MYH9: variants seen among roughly 807,000 people sequenced by gnomAD.
MYH9 encodes the protein myosin-9.
A neutral mutation model predicts 241.9 loss-of-function variants in MYH9; 29 were observed. That is an observed-to-expected ratio of 0.12 (90% CI 0.09 to 0.16). The LOEUF (loss-of-function observed/expected upper bound fraction) is 0.16, where lower values mean the gene tolerates loss of function less well. Among genes scored for constraint, MYH9 ranks in the 10% least tolerant of loss-of-function variants. The pLI, the probability that MYH9 is intolerant of heterozygous loss-of-function variation, is 1.00. For synonymous variants in MYH9, 1,047 were observed against 1,062.6 expected (o/e 0.99, Z 0.29); for missense variants, 1,803 against 2,595.5 (o/e 0.69, Z 6.63).
At chr22:36,302,525 C>T (rs2016895799) in intron 20 of MYH9, 43 bp downstream of exon 20, 4 of 1,481,758 alleles carry the variant, frequency 2.7e-6, no homozygotes, top group Admixed American at 3.3e-5. Flanking sequence ...TGGTGGTGTG[C>T]ACCCGTAGTC....
At chr22:36,362,040 G>C (rs982250859) in intron 1 of MYH9, among the ~76,000 whole-genome samples, 1 of 152,208 alleles carries the variant, frequency 6.6e-6, no homozygotes, top group African/African-American at 2.4e-5. Context: ...CTGTACTCCA[G>C]CCTGGGGGAC....
chr22:36,293,372 G>C lies in MYH9; in HGVS notation c.4052C>G (p.Ala1351Gly), dbSNP rs766437086. The C allele has an allele frequency of 1.2e-6, 2 of 1,613,828 alleles. No individual in the cohort carries two copies. Among genetic ancestry groups the C allele is most frequent in the Admixed American group, 3.3e-5 (2 of 60,004 alleles). The change falls in exon 30 of 41, where the codon GCC (alanine) becomes GGC (glycine). Residue 1351 changes from alanine to glycine, a missense_variant. Around this residue, in one of 11 missense-constraint regions of MYH9, gnomAD observed 876 missense variants for 1,077.8 expected, o/e 0.81. Transcript: ENST00000216181. This position sits in a 1 kb window ranked among gnomAD's most constrained non-coding sequence, Gnocchi z 5.1. ...GATCTGCTTCTCCAGGTTGTGCTTG[G>C]CCTCCTCCTCCTCCTCCAGCTGCTC... ...FREQLEEEEE[A>G]KHNLEKQIAT... is the part of the protein sequence containing the mutation.
rs753280815 is a variant in MYH9 at position 36,288,273 on chromosome 22, G to T, written c.4911C>A (p.Ile1637=). ...DSANKNRDEA[I]KQLRKLQAQM... Reference sequence around the variant, plus strand: ...TTACCTGCAGCTTCCGCAGCTGTTTGATGGCTTCGTCCCGGTTCTTGTTGG... The same window carrying T: ...TTACCTGCAGCTTCCGCAGCTGTTTTATGGCTTCGTCCCGGTTCTTGTTGG... Residue 1637 remains isoleucine (I), a synonymous_variant, in exon 34 of 41, where the codon ATC becomes ATA. Transcript: ENST00000216181. The surrounding 1 kb of genome is among the most constrained non-coding windows in gnomAD (Gnocchi z 4.8). The T allele has an allele frequency of 6.2e-7, 1 of 1,613,768 alleles. No homozygotes were observed.
chr22:36,353,231 GA>G (rs1222944757), intron 1 of MYH9, among the ~76,000 whole-genome samples: 1 of 152,136 alleles, frequency 6.6e-6, no homozygotes, highest in Non-Finnish European at 1.5e-5. Flanking sequence ...ATGAATGGGG[GA>G]TAGTAAAGAG....
intron 3 of MYH9, among the ~76,000 whole-genome samples, chr22:36,340,720 G>A (rs1412569013): frequency 1.3e-5 from 2 of 152,014 alleles, no homozygotes; most frequent in African/African-American, 4.8e-5. Context: ...CTGGGGAGAG[G>A]TGAGGTAGGA....
At chr22:36,345,311 CAAAA>C (rs61363468) in intron 2 of MYH9, among the ~76,000 whole-genome samples, 5 of 90,586 alleles carry the variant, frequency 5.5e-5, no homozygotes, top group Admixed American at 2.2e-4. Context: ...GACTCCGTCT[CAAAA>C]AAAAAAAAAA....
At chr22:36,311,906 T>G in intron 14 of MYH9, 143 bp downstream of exon 14, 1 of 917,996 alleles carries the variant, frequency 1.1e-6, no homozygotes, top group Non-Finnish European at 1.7e-6. Context: ...CCGGCCACAT[T>G]ACTGGGTGAG....
In MYH9 at chr22:36,295,445, C is replaced by T; in HGVS notation, c.3485+60G>A. The T allele has an allele frequency of 6.9e-7, 1 of 1,456,656 alleles. No homozygotes were observed. The highest frequency in any genetic ancestry group is 9.5e-7 in the Non-Finnish European group (1 of 1,052,552). The allele number at this position is 1,456,656 out of a possible 1,614,324, so 90.2% of individuals were successfully genotyped here. A position where few individuals can be genotyped will look rare whatever the true frequency, so the allele number is the denominator to read the frequency against. On this transcript the variant is annotated intron_variant, in intron 26 of 40. Transcript: ENST00000216181. This position sits in a 1 kb window ranked among gnomAD's most constrained non-coding sequence, Gnocchi z 4.1. The stretch of plus-strand genomic sequence containing the variant: ...GTGCAGAGGCCCGGGGTCCATGTCT[C>T]CAAGCCAAGGCCCCCCTGGCTGCCC...
At chr22:36,370,161 AG>A (rs2018068218) in intron 1 of MYH9, among the ~76,000 whole-genome samples, 1 of 152,230 alleles carries the variant, frequency 6.6e-6, no homozygotes, top group Admixed American at 6.5e-5. Context: ...TGAGGCACAA[AG>A]AAAGATTGTA....
intron 1 of MYH9, among the ~76,000 whole-genome samples, chr22:36,351,428 C>T (rs1207357096): frequency 6.6e-6 from 1 of 152,168 alleles, no homozygotes; most frequent in East Asian, 1.9e-4. Context: ...CCTGGCCGCC[C>T]CTCGTCTTTG....
At chr22:36,319,217 C>T (rs1342857549) in intron 10 of MYH9, among the ~76,000 whole-genome samples, 2 of 152,098 alleles carry the variant, frequency 1.3e-5, no homozygotes, top group African/African-American at 2.4e-5. Context: ...TTCAAGATCT[C>T]GACATAGTCA....
intron 11 of MYH9, among the ~76,000 whole-genome samples, chr22:36,317,035 A>G (rs2017165848): frequency 7.0e-6 from 1 of 143,282 alleles, no homozygotes; most frequent in South Asian, 2.3e-4. Flanking sequence ...CTACGGCCAT[A>G]CCACCCTAAA....
chr22:36,337,981 G>A (rs964737480), intron 3 of MYH9, among the ~76,000 whole-genome samples: 6 of 151,656 alleles, frequency 4.0e-5, no homozygotes, highest in Admixed American at 6.6e-5. Flanking sequence ...TATACAAAAA[G>A]AAGGAACTTT....
chr22:36,338,315 T>G (rs916386850), intron 3 of MYH9, among the ~76,000 whole-genome samples: 1 of 151,590 alleles, frequency 6.6e-6, no homozygotes, highest in South Asian at 2.1e-4. Context: ...AGAAGGAAAA[T>G]AGCCTAGAGA....
In MYH9 at chr22:36,326,589, C is replaced by T. The variant is rs140241271; in HGVS notation, c.591G>A (p.Ser197=). Residue 197 remains serine (S), a synonymous_variant, in exon 5 of 41, where the codon TCG becomes TCA. Coordinates refer to ENST00000216181, the MANE Select transcript of MYH9 (RefSeq NM_002473.6). ...VIQYLAYVAS[S]HKSKKDQGEL... Reference sequence around the variant, plus strand: ...TCACCTGGTCCTTCTTGCTCTTGTGCGAGGACGCCACGTACGCCAGATACT... The same window carrying T: ...TCACCTGGTCCTTCTTGCTCTTGTGTGAGGACGCCACGTACGCCAGATACT... The T allele has an allele frequency of 1.2e-4, 187 of 1,614,190 alleles. No individual in the cohort carries two copies. The African/African-American group carries it at 2.1e-3, about 18-fold the overall frequency.
rs2016875589 is a variant in MYH9, at chr22:36,301,455, T to C, written c.2631+79A>G. ...CCTATAGTAATAGAAACTTCCAGCA[T>C]GCCGTGCCTACCGATGGCCAGCAGG... On this transcript the variant is annotated intron_variant, in intron 21 of 40. Coordinates refer to ENST00000216181, the MANE Select transcript of MYH9 (RefSeq NM_002473.6). 5.0e-6 allele frequency: 8 copies of C among 1,587,752 alleles called. No individual in the cohort carries two copies. The South Asian group carries it at 6.6e-5, about 13-fold the overall frequency.
At chr22:36,325,767 T>C (rs925269834) in intron 5 of MYH9, among the ~76,000 whole-genome samples, 2 of 152,210 alleles carry the variant, frequency 1.3e-5, no homozygotes, top group Admixed American at 6.5e-5. Flanking sequence ...CTGGAGTTTC[T>C]GAGAACAACT....
chr22:36,336,934 T>C (rs1396522096), intron 3 of MYH9, among the ~76,000 whole-genome samples: 1 of 152,210 alleles, frequency 6.6e-6, no homozygotes, highest in African/African-American at 2.4e-5. Flanking sequence ...TCTGGCACCT[T>C]CTGTCACCTA....
At chr22:36,327,791 C>T (rs965458856) in intron 3 of MYH9, among the ~76,000 whole-genome samples, 11 of 152,178 alleles carry the variant, frequency 7.2e-5, no homozygotes, top group African/African-American at 2.7e-4. Flanking sequence ...GGAAAACTCT[C>T]CAGGAGTCGA....
Sources: gnomAD v4.1 joint callset for allele counts (sites outside exome capture counted in the v4.1 genomes callset) on GRCh38, gnomAD v4.1.1 for gene constraint, gnomAD v4.1.1 regional missense constraint, Gnocchi (gnomAD v3.1) non-coding constraint, MANE v1.5 for transcripts, NCBI Gene and HGNC (gene_info 2026-07-23, HGNC 2026-07-21) for gene names.